Variants in ESRRG observed in about 807,000 individuals in gnomAD.
ESRRG encodes the protein estrogen-related receptor gamma.
ESRRG carries 13 observed loss-of-function variants against 44.0 expected under a neutral mutation model. The ratio of observed to expected loss-of-function variants is 0.30; its 90% CI spans 0.19 to 0.47. ESRRG has a LOEUF of 0.47. Ranked by LOEUF, ESRRG falls within the 20% of genes least tolerant of loss-of-function variation. The pLI, the probability that ESRRG is intolerant of heterozygous loss-of-function variation, is 1.00. For synonymous variants in ESRRG, 215 were observed against 214.6 expected, an observed-to-expected ratio of 1.00 and a Z score of -0.02; for missense variants, 395 against 580.6, an observed-to-expected ratio of 0.68 and a Z score of 3.29.
intron 2 of ESRRG, among the ~76,000 whole-genome samples, chr1:216,735,325 C>T (rs1380481694): frequency 6.6e-6 from 1 of 151,690 alleles, no homozygotes; most frequent in African/African-American, 2.4e-5. Flanking sequence ...CCTTCTGCCT[C>T]AGCCTCCTGA....
chr1:216,735,409 T>C (rs1472143167), intron 2 of ESRRG, among the ~76,000 whole-genome samples: 3 of 151,554 alleles, frequency 2.0e-5, no homozygotes, highest in Non-Finnish European at 4.4e-5. Flanking sequence ...GGTCTTGTTT[T>C]GTTGCCCAGG....
chr1:216,723,507 C>T (rs1266623582), upstream of ESRRG: 22 of 544,436 alleles, frequency 4.0e-5, no homozygotes, highest in Non-Finnish European at 3.3e-6. Flanking sequence ...TATGCAGTCC[C>T]ACCGGCCCAG....
rs188910401 is a variant in ESRRG at position 216,523,179 on chromosome 1, A to G, written c.863-3758T>C. On this transcript the variant is annotated intron_variant, in intron 5 of 6. Coordinates refer to ENST00000408911, the MANE Select transcript of ESRRG (RefSeq NM_001438.4). ...AGCCCATTCCCTGCATATCGCTGAC[A>G]ACTCGGATCTCTCTTCATCTCTGTC... 2.9e-3 allele frequency among the ~76,000 whole-genome samples: 444 copies of G among 152,264 alleles called. 2 individuals are homozygous for G. Among genetic ancestry groups the G allele is most frequent in the African/African-American group, 0.01 (416 of 41,568 alleles).
chr1:217,024,358 A>T (rs1579660479), intron 1 of ESRRG, among the ~76,000 whole-genome samples: 1 of 85,146 alleles, frequency 1.2e-5, no homozygotes, highest in African/African-American at 5.8e-5. Flanking sequence ...AGTCCATTTA[A>T]AAAAAAAAAA....
intron 1 of ESRRG, among the ~76,000 whole-genome samples, chr1:216,981,349 TCAAA>T (rs1440999238): frequency 1.3e-5 from 2 of 152,180 alleles, no homozygotes; most frequent in East Asian, 3.9e-4. Context: ...GGCTTTGGAG[TCAAA>T]CAATCTCAGT....
chr1:216,813,802 C>A (rs2095049407), intron 2 of ESRRG, among the ~76,000 whole-genome samples: 1 of 152,178 alleles, frequency 6.6e-6, no homozygotes. Context: ...CAAAGTCCTG[C>A]TTATGTCGGG....
At chr1:216,639,549 A>G (rs1481910367) in intron 3 of ESRRG, among the ~76,000 whole-genome samples, 4 of 152,216 alleles carry the variant, frequency 2.6e-5, no homozygotes, top group Non-Finnish European at 5.9e-5. Context: ...AGGTCTAAGT[A>G]GAAACACATA....
intron 2 of ESRRG, among the ~76,000 whole-genome samples, chr1:216,876,407 G>A (rs2096353296): frequency 6.6e-6 from 1 of 152,078 alleles, no homozygotes; most frequent in Non-Finnish European, 1.5e-5. Context: ...AGTCTCAAAA[G>A]GCCCTAACCT....
rs960870142 is a variant in ESRRG, at chr1:217,059,183, A to G, written c.-106+30324T>C. Among the ~76,000 whole-genome samples the G allele has an allele frequency of 2.0e-5, 3 of 149,794 alleles. No homozygotes were observed. The South Asian group carries it at 6.3e-4, about 31-fold the overall frequency. On this transcript the variant is annotated intron_variant, in intron 1 of 7. Coordinates refer to the ESRRG transcript ENST00000359162. ...TAAACTGCACTGTGAGCCTGAACTC[A>G]GGCTCAGGTGAACTATACTAGTTAC...
intron 3 of ESRRG, among the ~76,000 whole-genome samples, chr1:216,571,858 A>G (rs1456300986): frequency 6.6e-6 from 1 of 152,228 alleles, no homozygotes; most frequent in Non-Finnish European, 1.5e-5. Flanking sequence ...TCATAAAAAC[A>G]GATTACATAA....
chr1:216,681,600 C>T (rs867537439), intron 1 of ESRRG, among the ~76,000 whole-genome samples: 4 of 152,292 alleles, frequency 2.6e-5, no homozygotes, highest in African/African-American at 9.6e-5. Flanking sequence ...GATGATCATA[C>T]TTCAACCTAG....
In ESRRG at chr1:216,766,107, T is replaced by C. The variant is rs531564767; in HGVS notation, c.-13-88616A>G. 8.5e-5 allele frequency among the ~76,000 whole-genome samples: 13 copies of C among 152,248 alleles called. No individual in the cohort carries two copies. In the South Asian group the frequency reaches 1.2e-3, roughly 15 times the overall value. Reference sequence around the variant, plus strand: ...CGGGTTTTGATCTCTTCATTCAGCATACTTGTCCTCACGGAGGTGCACTCA... The same window carrying C: ...CGGGTTTTGATCTCTTCATTCAGCACACTTGTCCTCACGGAGGTGCACTCA... On this transcript the variant is annotated intron_variant, in intron 2 of 7. Coordinates refer to the ESRRG transcript ENST00000359162.
chr1:216,553,842 T>C (rs1288924482), intron 5 of ESRRG, among the ~76,000 whole-genome samples: 1 of 152,066 alleles, frequency 6.6e-6, no homozygotes, highest in Non-Finnish European at 1.5e-5. Context: ...CAAAAATTAA[T>C]ATAAAAATTG....
At chr1:216,795,067 C>A (rs138975860) in intron 2 of ESRRG, among the ~76,000 whole-genome samples, 1 of 152,052 alleles carries the variant, frequency 6.6e-6, no homozygotes, top group Non-Finnish European at 1.5e-5. Flanking sequence ...CAAAAAAGGG[C>A]CTCAGGTTCA....
chr1:216,951,715 CTATG>C (rs1178993774), intron 1 of ESRRG, among the ~76,000 whole-genome samples: 3 of 92,018 alleles, frequency 3.3e-5, no homozygotes, highest in African/African-American at 1.3e-4. Flanking sequence ...GGAACTATCA[CTATG>C]TGTGTGTGTG....
intron 5 of ESRRG, among the ~76,000 whole-genome samples, chr1:216,550,583 A>G (rs2055989858): frequency 6.6e-6 from 1 of 152,136 alleles, no homozygotes; most frequent in African/African-American, 2.4e-5. Flanking sequence ...GAGGATAACA[A>G]GCCAAGTATG....
At chr1:216,861,315 G>A (rs898346090) in intron 2 of ESRRG, among the ~76,000 whole-genome samples, 1 of 151,866 alleles carries the variant, frequency 6.6e-6, no homozygotes, top group African/African-American at 2.4e-5. Flanking sequence ...GCATTACAGG[G>A]TATAATTCAC....
chr1:216,815,633 C>A (rs1016719095), intron 2 of ESRRG, among the ~76,000 whole-genome samples: 1 of 152,136 alleles, frequency 6.6e-6, no homozygotes, highest in African/African-American at 2.4e-5. Context: ...ACTGCAGTTG[C>A]GACACAACAG....
rs5780964 is a variant in ESRRG at position 217,097,843 on chromosome 1, T to TAAAA, written c.-230+39820_-230+39823dup. Among the ~76,000 whole-genome samples, 546 of 139,024 alleles carry TAAAA rather than the reference T, an allele frequency of 3.9e-3. 6 individuals carry two copies. Among genetic ancestry groups the TAAAA allele is most frequent in the East Asian group, 0.016 (75 of 4,798 alleles). The allele number at this position is 139,024 out of a possible 152,430, so 91.2% of individuals were successfully genotyped here. ...AAGTATTTCTTTTGGCCAGGCTGCT[T>TAAAA]AAAAAAAAAAAAAAAAAGATGATCT... On this transcript the variant is annotated intron_variant, in intron 1 of 8. Coordinates refer to the ESRRG transcript ENST00000366940.
Sources: allele counts gnomAD v4.1 joint callset (sites outside exome capture counted in the v4.1 genomes callset), GRCh38; gene constraint gnomAD v4.1.1; transcripts MANE v1.5; gene names NCBI Gene and HGNC (gene_info 2026-07-23, HGNC 2026-07-21).